WDR44: variants seen among roughly 807,000 people sequenced by gnomAD.
WDR44 encodes WD repeat domain 44.
WDR44 carries 9 observed loss-of-function variants against 65.7 expected under a neutral mutation model. The observed-to-expected ratio is 0.14, with a 90% CI of 0.08 to 0.24. The LOEUF (loss-of-function observed/expected upper bound fraction) is 0.24. Ranked by LOEUF, WDR44 falls within the 10% of genes least tolerant of loss-of-function variation. The pLI is 1.00. For synonymous variants in WDR44, 220 were observed against 235.2 expected, an observed-to-expected ratio of 0.94 and a Z score of 0.59; for missense variants, 425 against 670.9, an observed-to-expected ratio of 0.63 and a Z score of 4.05.
At chrX:118,368,499 C>T (rs1051605890) in intron 1 of WDR44, among the ~76,000 whole-genome samples, 2 of 67,200 alleles carry the variant, frequency 3.0e-5, no homozygotes, top group South Asian at 1.4e-3. Context: ...AGGACCTTTC[C>T]GCATTCCTCC....
intron 12 of WDR44, among the ~76,000 whole-genome samples, chrX:118,420,504 C>T (rs2057095075): frequency 1.8e-5 from 2 of 111,510 alleles, no homozygotes; most frequent in African/African-American, 3.3e-5. Flanking sequence ...CCTCCCACCT[C>T]GGCCCCCCAA....
intron 19 of WDR44, 73 bp downstream of exon 19, chrX:118,444,567 T>C (rs1400313445): frequency 5.5e-6 from 6 of 1,089,908 alleles, no homozygotes; most frequent in Non-Finnish European, 7.4e-6. Flanking sequence ...TTGAGTATAA[T>C]AAGGTTTTCA....
Position 118,376,039 on chromosome X carries a change from G to C in WDR44, c.78-2380G>C, listed in dbSNP as rs147134612. On this transcript the variant is annotated intron_variant, in intron 1 of 19. Coordinates refer to ENST00000254029, the MANE Select transcript of WDR44 (RefSeq NM_019045.5). ...CATGGCTCATGGCTCCTGGGCTCAAGTGATCTTCCTACATCAGCCTCCTAA... is the reference window on the plus strand; with the variant it reads ...CATGGCTCATGGCTCCTGGGCTCAACTGATCTTCCTACATCAGCCTCCTAA... Among the ~76,000 whole-genome samples, 506 of 111,726 alleles carry C rather than the reference G, an allele frequency of 4.5e-3. 3 individuals are homozygous for C. The highest frequency in any genetic ancestry group is 0.016 in the African/African-American group (497 of 30,767).
At chrX:118,438,037 A>C (rs1247928860) in intron 14 of WDR44, among the ~76,000 whole-genome samples, 2 of 110,244 alleles carry the variant, frequency 1.8e-5, no homozygotes, top group African/African-American at 6.6e-5. Context: ...AAATAAAAAA[A>C]AAAAAAAGAG....
intron 12 of WDR44, among the ~76,000 whole-genome samples, chrX:118,415,446 A>G (rs986731191): frequency 1.8e-5 from 2 of 111,791 alleles, no homozygotes; most frequent in African/African-American, 6.5e-5. Context: ...AATAGTGTCA[A>G]AAGAATTGTT....
intron 7 of WDR44, 131 bp downstream of exon 7, chrX:118,397,237 G>C: frequency 1.6e-5 from 8 of 506,794 alleles, no homozygotes; most frequent in Non-Finnish European, 2.4e-5. Context: ...AATAGAGTTA[G>C]ATAATGTATG....
chrX:118,437,819 C>T (rs192903861), intron 14 of WDR44, among the ~76,000 whole-genome samples: 7 of 110,860 alleles, frequency 6.3e-5, no homozygotes, highest in Non-Finnish European at 9.4e-5. Flanking sequence ...GGGCAGATCA[C>T]GAGGTCAAGA....
At chrX:118,370,507 C>T (rs1351142228) in intron 1 of WDR44, among the ~76,000 whole-genome samples, 2 of 110,963 alleles carry the variant, frequency 1.8e-5, no homozygotes, top group Non-Finnish European at 3.8e-5. Flanking sequence ...TGATTGGAAG[C>T]TTCCTGAGGC....
Position 118,427,043 on chromosome X carries a change from A to C in WDR44, c.1738-5738A>C, listed in dbSNP as rs955399274. 8.9e-5 allele frequency among the ~76,000 whole-genome samples: 10 copies of C among 111,973 alleles called. No homozygotes were observed. In the Admixed American group the frequency reaches 9.5e-4, roughly 11 times the overall value. On this transcript the variant is annotated intron_variant, in intron 12 of 19. Coordinates refer to ENST00000254029, the MANE Select transcript of WDR44 (RefSeq NM_019045.5). ...ATGGTCACAATAAAACATAAAGTGA[A>C]GAAAGCAGAATGTGAAATTGGATAC... is the stretch of plus-strand genomic sequence containing the variant.
At chrX:118,437,335 A>T (rs2057262619) in intron 14 of WDR44, among the ~76,000 whole-genome samples, 1 of 112,347 alleles carries the variant, frequency 8.9e-6, no homozygotes, top group Non-Finnish European at 1.9e-5. Flanking sequence ...AGTATTTCAT[A>T]TGATTTCAGC....
chrX:118,348,148 C>G (rs1040567925), intron 1 of WDR44, among the ~76,000 whole-genome samples: 2 of 111,851 alleles, frequency 1.8e-5, no homozygotes, highest in Admixed American at 9.5e-5. Flanking sequence ...AGTTTAATTT[C>G]AAAGGACGCA....
intron 19 of WDR44, among the ~76,000 whole-genome samples, chrX:118,446,781 TTTTC>T (rs2057349803): frequency 8.9e-6 from 1 of 112,085 alleles, no homozygotes; most frequent in African/African-American, 3.2e-5. Context: ...CTGCTGTCTG[TTTTC>T]TTTTTCTTTC....
intron 12 of WDR44, among the ~76,000 whole-genome samples, chrX:118,427,950 C>G (rs983699632): frequency 4.5e-5 from 5 of 109,931 alleles, no homozygotes; most frequent in African/African-American, 1.6e-4. Context: ...GCTGAGATTA[C>G]AGGCGTGAGC....
intron 12 of WDR44, among the ~76,000 whole-genome samples, chrX:118,421,149 C>T (rs770624454): frequency 8.9e-6 from 1 of 111,948 alleles, no homozygotes; most frequent in South Asian, 3.7e-4. Context: ...ATAATTTTAA[C>T]TGCTTTGCTT....
intron 3 of WDR44, among the ~76,000 whole-genome samples, chrX:118,389,207 G>T (rs1266047734): frequency 8.9e-6 from 1 of 111,920 alleles, no homozygotes; most frequent in Non-Finnish European, 1.9e-5. Context: ...AAAGGCTATG[G>T]GGATATACCC....
At chrX:118,445,172 G>C (rs2057336148) in intron 19 of WDR44, 2 of 227,780 alleles carry the variant, frequency 8.8e-6, no homozygotes, top group East Asian at 2.9e-4. Flanking sequence ...GCGGGTGCCT[G>C]TAATCCTAGC....
intron 1 of WDR44, among the ~76,000 whole-genome samples, chrX:118,373,154 T>G (rs2056629174): frequency 9.1e-6 from 1 of 110,351 alleles, no homozygotes; most frequent in African/African-American, 3.3e-5. Flanking sequence ...AGGAAGGAAA[T>G]ATAAAACTAT....
intron 1 of WDR44, among the ~76,000 whole-genome samples, chrX:118,352,352 A>ATATATATATTTTTTTTTTT (rs1357425730): frequency 7.0e-5 from 1 of 14,222 alleles, no homozygotes; most frequent in Non-Finnish European, 1.0e-4. Context: ...ATATATATAT[A>ATATATATATTTTTTTTTTT]TTTTTTTTTT....
intron 8 of WDR44, among the ~76,000 whole-genome samples, chrX:118,399,573 C>T (rs763470421): frequency 8.9e-6 from 1 of 111,781 alleles, no homozygotes; most frequent in South Asian, 3.8e-4. Context: ...GACAGATAAA[C>T]ATCCAGAAGA....
Sources: gnomAD v4.1 joint callset for allele counts (sites outside exome capture counted in the v4.1 genomes callset) on GRCh38, gnomAD v4.1.1 for gene constraint, MANE v1.5 for transcripts, NCBI Gene and HGNC (gene_info 2026-07-23, HGNC 2026-07-21) for gene names.